Variants in DLG2 observed in about 807,000 individuals in gnomAD.
The protein encoded by DLG2 is disks large homolog 2.
In DLG2, 45 loss-of-function variants were observed where a neutral mutation model predicts 132.5. The observed-to-expected ratio is 0.34, with a 90% CI of 0.27 to 0.44. The LOEUF is 0.44. Among genes scored for constraint, DLG2 ranks in the 20% least tolerant of loss-of-function variants. DLG2 has a pLI of 1.00. For missense variants in DLG2, 1,045 were observed against 1,196.9 expected (o/e 0.87, Z 1.87); for synonymous variants, 424 against 419.6 (o/e 1.01, Z -0.13).
intron 4 of DLG2, among the ~76,000 whole-genome samples, chr11:85,284,379 T>C (rs2078426788): frequency 6.6e-6 from 1 of 151,882 alleles, no homozygotes; most frequent in South Asian, 2.1e-4. Flanking sequence ...GCCTCAATAT[T>C]AACAATACAA....
intron 18 of DLG2, among the ~76,000 whole-genome samples, chr11:83,742,465 T>G (rs2092601204): frequency 6.6e-6 from 1 of 152,172 alleles, no homozygotes; most frequent in African/African-American, 2.4e-5. Flanking sequence ...CACAGACTTC[T>G]ATCATTTGTG....
intron 11 of DLG2, among the ~76,000 whole-genome samples, chr11:84,044,398 G>A (rs960318135): frequency 4.0e-5 from 6 of 151,648 alleles, no homozygotes; most frequent in Non-Finnish European, 7.4e-5. Context: ...CTGATATAAC[G>A]CATGTGACTG....
intron 8 of DLG2, 102 bp from the exon 9 acceptor site, chr11:84,163,613 T>G (rs1456417001): frequency 1.1e-6 from 1 of 880,320 alleles, no homozygotes; most frequent in Non-Finnish European, 1.7e-6. Flanking sequence ...TCATTCTAGC[T>G]ATAAATAACC....
At chr11:83,689,918 T>C (rs1031801780) in intron 18 of DLG2, among the ~76,000 whole-genome samples, 2 of 144,192 alleles carry the variant, frequency 1.4e-5, no homozygotes, top group East Asian at 1.9e-4. Flanking sequence ...GTAAATATTA[T>C]ATATTTACAT....
At chr11:83,589,250 G>T (rs1439474633) in intron 19 of DLG2, among the ~76,000 whole-genome samples, 1 of 151,376 alleles carries the variant, frequency 6.6e-6, no homozygotes, top group African/African-American at 2.4e-5. Context: ...GAAAGGTCGG[G>T]TTACCCTCAA....
intron 3 of DLG2, among the ~76,000 whole-genome samples, chr11:85,555,050 A>C (rs916653372): frequency 1.3e-5 from 2 of 151,988 alleles, no homozygotes; most frequent in Admixed American, 6.6e-5. Flanking sequence ...GATGGAGTTG[A>C]GTAGTAACTC....
At chr11:84,737,010 T>G (rs1304719230) in intron 6 of DLG2, among the ~76,000 whole-genome samples, 1 of 151,986 alleles carries the variant, frequency 6.6e-6, no homozygotes. Flanking sequence ...TTCACATAAG[T>G]TTCTTATCAT....
At chr11:83,818,982 T>C (rs1308521384) in intron 17 of DLG2, among the ~76,000 whole-genome samples, 1 of 152,184 alleles carries the variant, frequency 6.6e-6, no homozygotes, top group Non-Finnish European at 1.5e-5. Flanking sequence ...ATAAGTCCTG[T>C]CTGCTACACA....
chr11:83,857,979 A>G (rs2060822500), intron 16 of DLG2, among the ~76,000 whole-genome samples: 2 of 152,228 alleles, frequency 1.3e-5, no homozygotes, highest in Non-Finnish European at 2.9e-5. Flanking sequence ...ATGAAAACCT[A>G]AAAGACATCT....
At chr11:84,743,283 C>A (rs1214489107) in intron 6 of DLG2, among the ~76,000 whole-genome samples, 1 of 152,134 alleles carries the variant, frequency 6.6e-6, no homozygotes, top group Non-Finnish European at 1.5e-5. Flanking sequence ...TCTATTAACA[C>A]TGTTACAACT....
chr11:83,481,528 A>ATTCT (rs1169484698), intron 22 of DLG2, among the ~76,000 whole-genome samples: 33 of 152,260 alleles, frequency 2.2e-4, no homozygotes, highest in African/African-American at 6.7e-4. Context: ...GATATCATAC[A>ATTCT]TTCTTGCCAA....
At chr11:84,073,162 G>A (rs992821542) in intron 10 of DLG2, among the ~76,000 whole-genome samples, 1 of 152,122 alleles carries the variant, frequency 6.6e-6, no homozygotes, top group South Asian at 2.1e-4. Context: ...TATAAGTGGG[G>A]AAGTTAGTCA....
At chr11:85,528,246 T>C (rs77076706) in intron 3 of DLG2, among the ~76,000 whole-genome samples, 25,167 of 152,202 alleles carry the variant, frequency 0.17, 2,319 homozygotes, top group East Asian at 0.28. Flanking sequence ...GTGTTAGTCT[T>C]GAAGTCTTTG....
In DLG2 at chr11:83,942,987, T is replaced by A. The variant is rs551618123; in HGVS notation, c.1341-12504A>T. The stretch of plus-strand genomic sequence containing the variant: ...GCAGGTCTTTCCTATGCTGTTCTCA[T>A]GATGGTGAATAAGTCTCATGAGATC... On this transcript the variant is annotated intron_variant, in intron 14 of 27. Coordinates refer to ENST00000376104, the MANE Select transcript of DLG2 (RefSeq NM_001142699.3). Among the ~76,000 whole-genome samples the A allele has an allele frequency of 3.3e-5, 5 of 152,304 alleles. No homozygotes were observed. The South Asian group carries it at 8.3e-4, about 25-fold the overall frequency.
At chr11:84,624,398 C>T (rs1301437346) in intron 6 of DLG2, among the ~76,000 whole-genome samples, 1 of 152,112 alleles carries the variant, frequency 6.6e-6, no homozygotes, top group Non-Finnish European at 1.5e-5. Flanking sequence ...ACATATAAAA[C>T]TTTAACACAC....
chr11:85,305,804 C>T (rs542652722), intron 3 of DLG2, among the ~76,000 whole-genome samples: 129 of 152,262 alleles, frequency 8.5e-4, no homozygotes, highest in African/African-American at 3.1e-3. Flanking sequence ...TGAGCCACGG[C>T]GCCTGGCTGG....
chr11:85,519,188 C>T (rs892896793), intron 3 of DLG2, among the ~76,000 whole-genome samples: 2 of 152,160 alleles, frequency 1.3e-5, no homozygotes, highest in Admixed American at 1.3e-4. Context: ...GACCACCATC[C>T]TCCAGATCCC....
chr11:84,980,012 A>G (rs2055507491), intron 6 of DLG2, among the ~76,000 whole-genome samples: 1 of 152,228 alleles, frequency 6.6e-6, no homozygotes, highest in East Asian at 1.9e-4. Context: ...ATGGCCTATA[A>G]GGTTTTCAAG....
chr11:83,685,189 A>G (rs2079524095), intron 18 of DLG2, among the ~76,000 whole-genome samples: 1 of 152,200 alleles, frequency 6.6e-6, no homozygotes, highest in African/African-American at 2.4e-5. Context: ...CACAGTCACA[A>G]TAATAGCTGA....
Sources: allele counts gnomAD v4.1 joint callset (sites outside exome capture counted in the v4.1 genomes callset), GRCh38; gene constraint gnomAD v4.1.1; transcripts MANE v1.5; gene names NCBI Gene and HGNC (gene_info 2026-07-23, HGNC 2026-07-21).